Variants in KALRN observed in about 807,000 individuals in gnomAD.
KALRN encodes kalirin.
A neutral mutation model predicts 353.7 loss-of-function variants in KALRN; 70 were observed. That is an observed-to-expected ratio of 0.20 (90% confidence interval 0.16 to 0.24). KALRN has a LOEUF of 0.24. Among genes scored for constraint, KALRN ranks in the 10% least tolerant of loss-of-function variants. The probability of loss-of-function intolerance (pLI) is 1.00; values close to 1 mark genes in which losing one functional copy is unlikely to be tolerated. For synonymous variants in KALRN, 1,391 were observed against 1,434.8 expected (o/e 0.97, Z 0.69); for missense variants, 2,791 against 3,756.7 (o/e 0.74, Z 6.72).
At chr3:124,463,415 T>C (rs2060036824) in intron 25 of KALRN, among the ~76,000 whole-genome samples, 2 of 152,190 alleles carry the variant, frequency 1.3e-5, no homozygotes, top group African/African-American at 2.4e-5. Flanking sequence ...TTGCTGGAGA[T>C]AGAAGGGCCA....
At position 124,661,837 on chromosome 3, in the gene KALRN, G is replaced by T; in HGVS notation, c.6268-14G>T. The stretch of plus-strand genomic sequence containing the variant: ...CTGTTCCCCCTCCTGAGTAACAGTT[G>T]TTCTTTCCCACAGAAAGCAGTGGAG... On this transcript the variant is annotated splice_polypyrimidine_tract_variant and intron_variant, in intron 44 of 59. Coordinates refer to ENST00000682506, the MANE Select transcript of KALRN (RefSeq NM_001388419.1). The T allele has an allele frequency of 6.2e-7, 1 of 1,611,186 alleles. No homozygotes were observed. Among genetic ancestry groups the T allele is most frequent in the Non-Finnish European group, 8.5e-7 (1 of 1,177,346 alleles).
intron 56 of KALRN, among the ~76,000 whole-genome samples, chr3:124,701,778 T>G (rs333271): frequency 0.62 from 93,540 of 151,888 alleles, 29,088 homozygotes; most frequent in East Asian, 0.9. Context: ...AAAATATCCA[T>G]AAGTCATATT....
chr3:124,507,704 A>G (rs1003115237), intron 33 of KALRN, among the ~76,000 whole-genome samples: 15 of 152,214 alleles, frequency 9.9e-5, no homozygotes, highest in African/African-American at 3.6e-4. Context: ...CTATATACAC[A>G]TTATATGTAT....
intron 34 of KALRN, among the ~76,000 whole-genome samples, chr3:124,616,782 G>A (rs903635684): frequency 3.9e-5 from 6 of 151,992 alleles, no homozygotes; most frequent in African/African-American, 1.2e-4. Flanking sequence ...TGGCTAACAC[G>A]GTGAAACCCC....
At chr3:124,539,108 G>A (rs1394401618) in intron 33 of KALRN, among the ~76,000 whole-genome samples, 1 of 152,170 alleles carries the variant, frequency 6.6e-6, no homozygotes, top group African/African-American at 2.4e-5. Flanking sequence ...ATGCAACTAT[G>A]GGGATGTGAT....
At chr3:124,142,183 A>T (rs930060967) in intron 1 of KALRN, among the ~76,000 whole-genome samples, 1 of 152,180 alleles carries the variant, frequency 6.6e-6, no homozygotes, top group Non-Finnish European at 1.5e-5. Flanking sequence ...ACATAGGGCT[A>T]AGCTTTGTTT....
intron 33 of KALRN, among the ~76,000 whole-genome samples, chr3:124,551,427 C>T (rs141511357): frequency 5.4e-4 from 82 of 152,342 alleles, no homozygotes; most frequent in Non-Finnish European, 9.6e-4. Context: ...ACCAATTCTA[C>T]TCATTGCTGG....
chr3:124,571,381 G>T (rs1449633705), intron 34 of KALRN, among the ~76,000 whole-genome samples: 1 of 152,074 alleles, frequency 6.6e-6, no homozygotes, highest in Non-Finnish European at 1.5e-5. Flanking sequence ...TTGAACTTTG[G>T]GCATCCCCTG....
chr3:124,334,956 A>C lies in KALRN; in HGVS notation c.1647+461A>C, dbSNP rs112010128. ...ATTAACCGCATGTGCCATCACACCC[A>C]GCTAATTTTTGTATTTTTGGTGGAG... On this transcript the variant is annotated intron_variant, in intron 9 of 59. Transcript: ENST00000682506. The surrounding 1 kb of genome is among the most constrained non-coding windows in gnomAD (Gnocchi z 4.2). 0.072 allele frequency among the ~76,000 whole-genome samples: 10,994 copies of C among 152,188 alleles called. 1,279 individuals are homozygous for C. Among genetic ancestry groups the C allele is most frequent in the African/African-American group, 0.25 (10,273 of 41,484 alleles).
At chr3:124,360,160 G>A (rs1052935626) in intron 10 of KALRN, among the ~76,000 whole-genome samples, 5 of 152,326 alleles carry the variant, frequency 3.3e-5, no homozygotes, top group South Asian at 2.1e-4. Context: ...ACAGGTTTCC[G>A]GGCTGTAGCT....
At chr3:124,641,189 A>G (rs1362683937) in intron 37 of KALRN, among the ~76,000 whole-genome samples, 1 of 152,166 alleles carries the variant, frequency 6.6e-6, no homozygotes, top group Non-Finnish European at 1.5e-5. Context: ...AACAGGGTTT[A>G]TCTGCAGTGC....
intron 13 of KALRN, among the ~76,000 whole-genome samples, chr3:124,409,838 G>A (rs1017791831): frequency 5.3e-5 from 8 of 152,078 alleles, no homozygotes; most frequent in Non-Finnish European, 1.2e-4. Context: ...TTAAATTCCA[G>A]TATACATTAA....
rs537987665 is a variant in KALRN, at chr3:124,272,951, T to TA, written c.969+3697dup. Among the ~76,000 whole-genome samples, 241 of 152,338 alleles carry TA rather than the reference T, an allele frequency of 1.6e-3. 2 individuals carry two copies. The highest frequency in any genetic ancestry group is 6.6e-3 in the South Asian group (32 of 4,832). ...AGTAGTTACTGCCTGAGCCAAGTCTTAGTCTCCCTTCTGGTGGGAGGCTGG... is the reference window on the plus strand; with the variant it reads ...AGTAGTTACTGCCTGAGCCAAGTCTTAAGTCTCCCTTCTGGTGGGAGGCTGG... On this transcript the variant is annotated intron_variant, in intron 5 of 59. Transcript: ENST00000682506.
chr3:124,649,894 C>T (rs528402557), intron 37 of KALRN, among the ~76,000 whole-genome samples: 14 of 137,260 alleles, frequency 1.0e-4, no homozygotes, highest in African/African-American at 3.5e-4. Context: ...GAGACTGAAG[C>T]GGGAAGATCA....
chr3:124,196,002 A>G (rs2075388858), intron 1 of KALRN, among the ~76,000 whole-genome samples: 1 of 152,204 alleles, frequency 6.6e-6, no homozygotes, highest in Non-Finnish European at 1.5e-5. Context: ...CTCTTTCCCC[A>G]ACTGTCCACT....
rs2059472620 is a variant in KALRN at position 124,457,844 on chromosome 3, A to C, written c.3854+1116A>C. The stretch of plus-strand genomic sequence containing the variant: ...TGCTACTACCCCTGGAATAATGATA[A>C]AACTCAAGGTACTGCTATCGTTTGT... On this transcript the variant is annotated intron_variant, in intron 23 of 59. Coordinates refer to ENST00000682506, the MANE Select transcript of KALRN (RefSeq NM_001388419.1). Among the ~76,000 whole-genome samples the C allele has an allele frequency of 2.0e-5, 3 of 152,316 alleles. No homozygotes were observed. In the South Asian group the frequency reaches 6.2e-4, roughly 32 times the overall value.
chr3:124,481,954 T>A (rs3772764), intron 27 of KALRN, among the ~76,000 whole-genome samples: 7,081 of 152,302 alleles, frequency 0.046, 235 homozygotes, highest in East Asian at 0.13. Flanking sequence ...TGTAAGCTTT[T>A]TGAGGGGAGG....
At chr3:124,175,207 A>C (rs559028433) in intron 1 of KALRN, among the ~76,000 whole-genome samples, 1 of 152,368 alleles carries the variant, frequency 6.6e-6, no homozygotes, top group East Asian at 1.9e-4. Flanking sequence ...TCAACAGACC[A>C]AGTTCTCTGC....
chr3:124,471,209 T>A (rs2107915424), intron 25 of KALRN, among the ~76,000 whole-genome samples: 1 of 151,820 alleles, frequency 6.6e-6, no homozygotes, highest in Non-Finnish European at 1.5e-5. Context: ...GGTTGGGTTC[T>A]TTTTACCTGT....
Sources: allele counts gnomAD v4.1 joint callset (sites outside exome capture counted in the v4.1 genomes callset), GRCh38; gene constraint gnomAD v4.1.1; non-coding constraint Gnocchi (gnomAD v3.1); transcripts MANE v1.5; gene names NCBI Gene and HGNC (gene_info 2026-07-23, HGNC 2026-07-21).